LRRTM4: variants seen among roughly 807,000 people sequenced by gnomAD.
LRRTM4 encodes the protein leucine rich repeat transmembrane neuronal 4, also known as leucine-rich repeat transmembrane neuronal protein 4.
A neutral mutation model predicts 47.6 loss-of-function variants in LRRTM4; 25 were observed. That is an observed-to-expected ratio of 0.53 (90% confidence interval 0.38 to 0.73). The LOEUF (loss-of-function observed/expected upper bound fraction) is 0.73, where lower values mean the gene tolerates loss of function less well. Among genes scored for constraint, LRRTM4 ranks in the 30% least tolerant of loss-of-function variants. The pLI, the probability that LRRTM4 is intolerant of heterozygous loss-of-function variation, is 0.00. For missense variants in LRRTM4, 638 were observed against 713.4 expected (o/e 0.89, Z 1.20); for synonymous variants, 311 against 269.5 (o/e 1.15, Z -1.51).
chr2:76,878,806 G>A (rs539515589), intron 3 of LRRTM4, among the ~76,000 whole-genome samples: 8 of 152,074 alleles, frequency 5.3e-5, no homozygotes, highest in Non-Finnish European at 8.8e-5. Flanking sequence ...CCCAGGAGGC[G>A]GAACTTGTGA....
chr2:77,013,983 A>G (rs1457220097), intron 3 of LRRTM4, among the ~76,000 whole-genome samples: 1 of 152,146 alleles, frequency 6.6e-6, no homozygotes, highest in Non-Finnish European at 1.5e-5. Context: ...TCCTTATGGA[A>G]AATAAAGTTC....
intron 3 of LRRTM4, among the ~76,000 whole-genome samples, chr2:76,827,188 C>G (rs1573175819): frequency 6.6e-6 from 1 of 151,834 alleles, no homozygotes; most frequent in East Asian, 1.9e-4. Flanking sequence ...TTTCCAGTCC[C>G]TATGACATTA....
At chr2:76,753,485 C>G (rs893686401) in intron 3 of LRRTM4, among the ~76,000 whole-genome samples, 1 of 152,092 alleles carries the variant, frequency 6.6e-6, no homozygotes, top group African/African-American at 2.4e-5. Flanking sequence ...AGCTAAGAAA[C>G]TTTTGTGTAT....
chr2:76,957,247 G>C (rs1176868592), intron 3 of LRRTM4, among the ~76,000 whole-genome samples: 1 of 151,646 alleles, frequency 6.6e-6, no homozygotes, highest in Admixed American at 6.6e-5. Flanking sequence ...CTGGTTACCA[G>C]GGTCTGAAAC....
chr2:77,441,577 G>A (rs1049191881), intron 3 of LRRTM4, among the ~76,000 whole-genome samples: 4 of 152,050 alleles, frequency 2.6e-5, no homozygotes, highest in Admixed American at 6.5e-5. Flanking sequence ...CCTGTAAGAT[G>A]GAGATAATAA....
chr2:77,170,048 C>T (rs1228630156), intron 3 of LRRTM4, among the ~76,000 whole-genome samples: 1 of 152,096 alleles, frequency 6.6e-6, no homozygotes, highest in Non-Finnish European at 1.5e-5. Flanking sequence ...AATGATAGTC[C>T]TCTAAGATGT....
chr2:76,862,955 G>C (rs1191962543), intron 3 of LRRTM4, among the ~76,000 whole-genome samples: 2 of 152,276 alleles, frequency 1.3e-5, no homozygotes, highest in East Asian at 3.9e-4. Context: ...CTTATTTCCA[G>C]ATTATGTTTC....
intron 3 of LRRTM4, among the ~76,000 whole-genome samples, chr2:77,169,281 A>G (rs1672979798): frequency 6.6e-6 from 1 of 152,160 alleles, no homozygotes; most frequent in African/African-American, 2.4e-5. Context: ...AGGAAGTCAA[A>G]TTGTCAGTTT....
At chr2:76,940,366 C>T (rs991839256) in intron 3 of LRRTM4, among the ~76,000 whole-genome samples, 4 of 152,106 alleles carry the variant, frequency 2.6e-5, no homozygotes, top group Non-Finnish European at 5.9e-5. Context: ...GGCCACTATA[C>T]TTAGCAAACT....
chr2:77,040,147 C>T (rs980089271), intron 3 of LRRTM4, among the ~76,000 whole-genome samples: 45 of 151,154 alleles, frequency 3.0e-4, no homozygotes, highest in African/African-American at 1.1e-3. Context: ...TCCATGAATC[C>T]ATATAAAACT....
intron 3 of LRRTM4, among the ~76,000 whole-genome samples, chr2:77,045,301 AAC>A (rs1191622914): frequency 2.6e-5 from 4 of 151,960 alleles, no homozygotes; most frequent in African/African-American, 9.7e-5. Context: ...ACTCAGTTTC[AAC>A]AGTTGTCTTT....
At chr2:77,282,428 A>G (rs1393905792) in intron 3 of LRRTM4, among the ~76,000 whole-genome samples, 1 of 151,622 alleles carries the variant, frequency 6.6e-6, no homozygotes, top group South Asian at 2.1e-4. Flanking sequence ...GACGCCTTTT[A>G]TTTATTTATT....
intron 3 of LRRTM4, among the ~76,000 whole-genome samples, chr2:77,017,696 G>A (rs544858446): frequency 6.6e-6 from 1 of 152,084 alleles, no homozygotes; most frequent in Non-Finnish European, 1.5e-5. Flanking sequence ...ACAACCCGAG[G>A]TAGTCATTAC....
At position 77,247,182 on chromosome 2, in the gene LRRTM4, T is replaced by G. The variant is rs373304427; in HGVS notation, c.1551+271136A>C. Among the ~76,000 whole-genome samples the G allele has an allele frequency of 1.6e-3, 241 of 152,192 alleles. 2 individuals are homozygous for G. Among genetic ancestry groups the G allele is most frequent in the African/African-American group, 5.4e-3 (224 of 41,562 alleles). On this transcript the variant is annotated intron_variant, in intron 3 of 3. Transcript: ENST00000409884. The stretch of plus-strand genomic sequence containing the variant: ...TGTGTTATAGGTTGTTTTAGTACTA[T>G]AGTAAACACTTGACAATACACCAGT...
chr2:77,323,564 T>C (rs1440623348), intron 3 of LRRTM4, among the ~76,000 whole-genome samples: 5 of 152,154 alleles, frequency 3.3e-5, no homozygotes, highest in Non-Finnish European at 7.4e-5. Flanking sequence ...TAGCAGTTAT[T>C]ATTTAAGTAA....
chr2:76,908,302 C>A (rs1673922707), intron 3 of LRRTM4, among the ~76,000 whole-genome samples: 1 of 152,098 alleles, frequency 6.6e-6, no homozygotes, highest in Non-Finnish European at 1.5e-5. Context: ...AACCTTCATG[C>A]TAAAAACTCT....
At chr2:77,023,461 T>C (rs1025326851) in intron 3 of LRRTM4, among the ~76,000 whole-genome samples, 2 of 152,200 alleles carry the variant, frequency 1.3e-5, no homozygotes, top group African/African-American at 4.8e-5. Context: ...TTCTACCACA[T>C]TGTCAGGCTG....
chr2:77,170,041 G>C (rs1331298231), intron 3 of LRRTM4, among the ~76,000 whole-genome samples: 1 of 152,106 alleles, frequency 6.6e-6, no homozygotes, highest in African/African-American at 2.4e-5. Context: ...TCAACCAAAT[G>C]ATAGTCCTCT....
intron 3 of LRRTM4, among the ~76,000 whole-genome samples, chr2:77,441,356 C>CTAA (rs1295014348): frequency 6.6e-6 from 1 of 152,136 alleles, no homozygotes; most frequent in Non-Finnish European, 1.5e-5. Flanking sequence ...TGTTAAAAGG[C>CTAA]TAATATTTAT....
Sources: allele counts gnomAD v4.1 joint callset (sites outside exome capture counted in the v4.1 genomes callset), GRCh38; gene constraint gnomAD v4.1.1; transcripts MANE v1.5; gene names NCBI Gene and HGNC (gene_info 2026-07-23, HGNC 2026-07-21).